The following MPRIP variants were observed in gnomAD, a reference collection of about 807,000 sequenced individuals.
The protein encoded by MPRIP is myosin phosphatase Rho interacting protein, also known as myosin phosphatase Rho-interacting protein.
Under a neutral mutation model 234.9 loss-of-function variants are expected in MPRIP, and 59 were observed. The observed-to-expected ratio is 0.25, with a 90% CI of 0.20 to 0.31. The LOEUF is 0.31. Ranked by LOEUF, MPRIP falls within the 10% of genes least tolerant of loss-of-function variation. The pLI is 1.00. For synonymous variants in MPRIP, 1,144 were observed against 1,263.9 expected (o/e 0.91, Z 2.01); for missense variants, 2,436 against 3,071.0 (o/e 0.79, Z 4.89).
At chr17:17,061,990 A>T (rs924619714) in intron 1 of MPRIP, among the ~76,000 whole-genome samples, 13 of 152,152 alleles carry the variant, frequency 8.5e-5, no homozygotes, top group African/African-American at 3.1e-4. Flanking sequence ...TTTTAATAAA[A>T]AATGGCATGG....
At chr17:17,174,155 C>A in intron 19 of MPRIP, 80 bp downstream of exon 19, 1 of 1,495,568 alleles carries the variant, frequency 6.7e-7, no homozygotes, top group Non-Finnish European at 9.1e-7. Context: ...TGAGTCCACA[C>A]TGGAGCTGGA....
chr17:17,054,298 CAA>C, intron 1 of MPRIP, among the ~76,000 whole-genome samples: 1 of 152,306 alleles, frequency 6.6e-6, no homozygotes, highest in East Asian at 1.9e-4. Context: ...AAAACAAGGA[CAA>C]AAGCGGTGGG....
At chr17:17,050,002 C>CGTTA (rs1435155648) in intron 1 of MPRIP, among the ~76,000 whole-genome samples, 3 of 151,774 alleles carry the variant, frequency 2.0e-5, no homozygotes, top group African/African-American at 7.3e-5. Flanking sequence ...TCCTGGCTAA[C>CGTTA]ACAGTGAAAC....
intron 1 of MPRIP, among the ~76,000 whole-genome samples, chr17:17,067,675 T>C (rs2089075119): frequency 6.6e-6 from 1 of 152,224 alleles, no homozygotes; most frequent in South Asian, 2.1e-4. Flanking sequence ...TAGTTCTTTA[T>C]TTCATTTTTA....
At chr17:17,100,717 A>C (rs961971652) in intron 3 of MPRIP, among the ~76,000 whole-genome samples, 2 of 152,010 alleles carry the variant, frequency 1.3e-5, no homozygotes, top group African/African-American at 4.8e-5. Flanking sequence ...GGCACCATCT[A>C]GTTGCAGGAA....
chr17:17,095,741 C>T (rs971107155), intron 3 of MPRIP, among the ~76,000 whole-genome samples: 13 of 152,126 alleles, frequency 8.5e-5, no homozygotes, highest in African/African-American at 3.1e-4. Flanking sequence ...TCTGCCTGCC[C>T]TTGTACGGGT....
At chr17:17,048,832 A>G (rs1310792754) in intron 1 of MPRIP, among the ~76,000 whole-genome samples, 1 of 152,238 alleles carries the variant, frequency 6.6e-6, no homozygotes, top group Non-Finnish European at 1.5e-5. Flanking sequence ...ACTTCTAGGT[A>G]TATGCCAAGA....
intron 11 of MPRIP, among the ~76,000 whole-genome samples, chr17:17,148,620 G>T (rs1397199193): frequency 6.6e-6 from 1 of 152,318 alleles, no homozygotes; most frequent in South Asian, 2.1e-4. Flanking sequence ...TTTGAAATGG[G>T]AAGTAAGCAT....
Position 17,158,843 on chromosome 17 carries a change from G to A in MPRIP, c.2241G>A (p.Thr747=), listed in dbSNP as rs778762156. 3.3e-5 allele frequency: 53 copies of A among 1,611,620 alleles called. No individual in the cohort carries two copies. Among genetic ancestry groups the A allele is most frequent in the African/African-American group, 1.3e-4 (10 of 74,906 alleles). ...GGCTGCCTATGAGCGACCTCAAAAC[G>A]CATAACGTCCACGTGGAGATTGAGC... is the stretch of plus-strand genomic sequence containing the variant. ...SPGLPMSDLK[T]HNVHVEIEQR... Residue 747 remains threonine (T), a synonymous_variant, in exon 14 of 24, where the codon ACG becomes ACA. Coordinates refer to ENST00000651222, the MANE Select transcript of MPRIP (RefSeq NM_001364716.4).
chr17:17,159,023 C>T (rs761900797), intron 14 of MPRIP, 21 bp downstream of exon 14: 5 of 1,590,960 alleles, frequency 3.1e-6, no homozygotes, highest in Non-Finnish European at 4.3e-6. Context: ...GGGACCAGAT[C>T]CCCACCCTGC....
chr17:17,110,352 T>G (rs2090145933), intron 3 of MPRIP, among the ~76,000 whole-genome samples: 1 of 152,128 alleles, frequency 6.6e-6, no homozygotes, highest in Non-Finnish European at 1.5e-5. Context: ...TATTCCCTTA[T>G]AGCGGCACAA....
chr17:17,074,119 A>G (rs553096732), intron 1 of MPRIP, among the ~76,000 whole-genome samples: 15 of 152,336 alleles, frequency 9.8e-5, no homozygotes, highest in South Asian at 6.2e-4. Flanking sequence ...CAAATGAGGT[A>G]GTGTGGTGGG....
chr17:17,125,572 G>A (rs746144290), intron 3 of MPRIP, among the ~76,000 whole-genome samples: 4 of 152,258 alleles, frequency 2.6e-5, no homozygotes, highest in Non-Finnish European at 5.9e-5. Context: ...GAGGTGGAGG[G>A]ACAAGGAGGT....
intron 3 of MPRIP, among the ~76,000 whole-genome samples, chr17:17,109,381 CTT>C (rs2090124676): frequency 6.6e-6 from 1 of 152,184 alleles, no homozygotes; most frequent in Admixed American, 6.5e-5. Flanking sequence ...AGTACTGACA[CTT>C]TTGAGACCAC....
chr17:17,143,683 C>G lies in MPRIP; in HGVS notation c.1503+14C>G. The stretch of plus-strand genomic sequence containing the variant: ...CCCTCCGTGACGGTGAGCCCAGGCG[C>G]CGCGTCCTCCGGAGGCCGTGCTCCT... On this transcript the variant is annotated intron_variant, in intron 9 of 23. Coordinates refer to ENST00000651222, the MANE Select transcript of MPRIP (RefSeq NM_001364716.4). The G allele has an allele frequency of 6.4e-7, 1 of 1,553,808 alleles. No individual in the cohort carries two copies.
intron 3 of MPRIP, chr17:17,096,867 G>T (rs116880961): frequency 0.014 from 6,478 of 455,868 alleles, 67 homozygotes; most frequent in Non-Finnish European, 0.02. Flanking sequence ...GAGGGGCTCA[G>T]AGGTGGAAAA....
chr17:17,132,009 C>T lies in MPRIP; in HGVS notation c.504+308C>T, dbSNP rs1202145506. Reference sequence around the variant, plus strand: ...TGCTGGCAGCTGGGGAGGGGCAGCACGGGCAGCCTGCAGCCACAGTCAAAA... The same window carrying T: ...TGCTGGCAGCTGGGGAGGGGCAGCATGGGCAGCCTGCAGCCACAGTCAAAA... On this transcript the variant is annotated intron_variant, in intron 5 of 23. Coordinates refer to ENST00000651222, the MANE Select transcript of MPRIP (RefSeq NM_001364716.4). 7.9e-5 allele frequency among the ~76,000 whole-genome samples: 12 copies of T among 152,306 alleles called. No individual in the cohort carries two copies. The East Asian group carries it at 1.9e-3, about 24-fold the overall frequency.
chr17:17,083,328 A>C (rs1458627566), intron 3 of MPRIP, among the ~76,000 whole-genome samples: 2 of 152,238 alleles, frequency 1.3e-5, no homozygotes, highest in Non-Finnish European at 2.9e-5. Context: ...TAAAGTAAAC[A>C]GGCTTGGTCC....
chr17:17,143,849 C>G (rs1295631752), intron 9 of MPRIP, among the ~76,000 whole-genome samples, 180 bp downstream of exon 9: 2 of 152,184 alleles, frequency 1.3e-5, no homozygotes, highest in African/African-American at 4.8e-5. Context: ...TGTTTCTTCC[C>G]TTTTCTGGTC....
Sources: allele counts gnomAD v4.1 joint callset (sites outside exome capture counted in the v4.1 genomes callset), GRCh38; gene constraint gnomAD v4.1.1; transcripts MANE v1.5; gene names NCBI Gene and HGNC (gene_info 2026-07-23, HGNC 2026-07-21).